TVP23C: variants seen among roughly 807,000 people sequenced by gnomAD.
TVP23C encodes the protein Golgi apparatus membrane protein TVP23 homolog C.
In TVP23C, 19 loss-of-function variants were observed where a neutral mutation model predicts 28.7. The ratio of observed to expected loss-of-function variants is 0.66; its 90% CI spans 0.46 to 0.97. The LOEUF (loss-of-function observed/expected upper bound fraction) is 0.97. Among genes scored for constraint, TVP23C ranks in the 50% least tolerant of loss-of-function variants. TVP23C has a pLI of 0.00. For missense variants in TVP23C, 186 were observed against 241.3 expected, an observed-to-expected ratio of 0.77 and a Z score of 1.52; for synonymous variants, 68 against 81.7, an observed-to-expected ratio of 0.83 and a Z score of 0.90.
At chr17:15,517,853 G>A (rs11653403) in intron 5 of TVP23C, among the ~76,000 whole-genome samples, 68,193 of 152,000 alleles carry the variant, frequency 0.45, 16,992 homozygotes, top group Non-Finnish European at 0.57. Context: ...TGCACCATAA[G>A]AGAATTCTCA....
At chr17:15,535,640 C>A (rs1000168876), downstream of TVP23C, among the ~76,000 whole-genome samples, 9 of 152,334 alleles carry the variant, frequency 5.9e-5, no homozygotes, top group African/African-American at 1.2e-4. Flanking sequence ...CTGAACAGTG[C>A]AACTCGGCAG....
chr17:15,551,262 C>T (rs59337682), intron 3 of TVP23C, among the ~76,000 whole-genome samples: 1 of 142,352 alleles, frequency 7.0e-6, no homozygotes, highest in African/African-American at 2.6e-5. Context: ...CCATGCCCGG[C>T]TCATTTTTTT....
chr17:15,555,133 T>C (rs1363979546), intron 2 of TVP23C, 149 bp downstream of exon 2: 10 of 1,108,048 alleles, frequency 9.0e-6, no homozygotes, highest in African/African-American at 3.2e-5. Context: ...TGAAATGTCA[T>C]CTTTGTCTTA....
chr17:15,542,471 T>C (rs1170795155), intron 5 of TVP23C, among the ~76,000 whole-genome samples: 1 of 144,852 alleles, frequency 6.9e-6, no homozygotes, highest in East Asian at 1.9e-4. Flanking sequence ...TTTTTATTTA[T>C]TTATTTTTAT....
chr17:15,504,038 G>C (rs1395400524), intron 5 of TVP23C, among the ~76,000 whole-genome samples: 1 of 152,048 alleles, frequency 6.6e-6, no homozygotes, highest in African/African-American at 2.4e-5. Flanking sequence ...AAAGAGCCCA[G>C]TCTCCTGAGA....
chr17:15,563,024 T>C (rs1173216167), intron 1 of TVP23C: 2 of 240,616 alleles, frequency 8.3e-6, no homozygotes, highest in Non-Finnish European at 1.6e-5. Flanking sequence ...ACAACATTAG[T>C]TTGGAAACAG....
rs1327923975 is a variant in TVP23C, at chr17:15,537,473, C to T, written c.*2939G>A. On this transcript the variant is annotated 3_prime_UTR_variant, in exon 6 of 6. Coordinates refer to ENST00000518321, the MANE Select transcript of TVP23C (RefSeq NM_001135036.2). ...AGAATAGCAGCAATCTCTGGGTATT[C>T]CTTAAACTATGATGATTCCACTTAT... 1.0e-6 allele frequency: 1 copy of T among 985,000 alleles called. No homozygotes were observed. Among genetic ancestry groups the T allele is most frequent in the African/African-American group, 1.7e-5 (1 of 57,216 alleles). 61.0% of individuals were successfully genotyped at this position (985,000 alleles called of 1,614,324 possible). A position where few individuals can be genotyped will look rare whatever the true frequency, so the allele number is the denominator to read the frequency against.
chr17:15,553,806 T>C lies in TVP23C; in HGVS notation c.119A>G (p.His40Arg). The C allele has an allele frequency of 4.3e-6, 7 of 1,613,648 alleles. No individual in the cohort carries two copies. Among genetic ancestry groups the C allele is most frequent in the Non-Finnish European group, 5.9e-6 (7 of 1,179,762 alleles). Residue 40 changes from histidine (H) to arginine (R), a missense_variant, in exon 3 of 6, where the codon CAC becomes CGC. His to Arg is a conservative substitution (Grantham distance 29). Around this residue, in one of 3 missense-constraint regions of TVP23C, gnomAD observed 92 missense variants for 94.3 expected, o/e 0.98. Coordinates refer to ENST00000518321, the MANE Select transcript of TVP23C (RefSeq NM_001135036.2). ...KIRHPVASFF[H>R]LFFRVSAIIV... ...GATTGCACTGACTCGAAAGAATAAG[T>C]GGAAAAACGATGCTACTGGATGTCT...
chr17:15,515,736 G>A (rs967189000), intron 5 of TVP23C, among the ~76,000 whole-genome samples: 7 of 152,066 alleles, frequency 4.6e-5, no homozygotes, highest in Non-Finnish European at 8.8e-5. Context: ...TTGCCCTAGG[G>A]TCTCCAAATG....
chr17:15,538,381 G>A lies in TVP23C; in HGVS notation c.*2031C>T, dbSNP rs548946774. On this transcript the variant is annotated 3_prime_UTR_variant, in exon 6 of 6. Coordinates refer to ENST00000518321, the MANE Select transcript of TVP23C (RefSeq NM_001135036.2). ...CGAGGAGGGTGGATCATGAGGTCAG[G>A]AGATCGAGACCCTCCTGGCTAACAC... 1.2e-6 allele frequency: 1 copy of A among 833,362 alleles called. No homozygotes were observed. The highest frequency in any genetic ancestry group is 5.5e-5 in the South Asian group (1 of 18,344). 51.6% of individuals were successfully genotyped at this position (833,362 alleles called of 1,614,324 possible).
At chr17:15,508,814 C>G (rs1176149136) in intron 5 of TVP23C, among the ~76,000 whole-genome samples, 1 of 152,196 alleles carries the variant, frequency 6.6e-6, no homozygotes, top group African/African-American at 2.4e-5. Context: ...CCCTGTGTTC[C>G]TCATGCCTCT....
At chr17:15,553,624 A>G (rs1597545587) in intron 3 of TVP23C, 61 bp downstream of exon 3, 2 of 1,544,812 alleles carry the variant, frequency 1.3e-6, no homozygotes, top group East Asian at 2.5e-5. Flanking sequence ...AAATGCTGTC[A>G]TATTTTTATA....
At chr17:15,544,765 A>G (rs1004378699) in intron 5 of TVP23C, among the ~76,000 whole-genome samples, 1 of 152,174 alleles carries the variant, frequency 6.6e-6, no homozygotes, top group African/African-American at 2.4e-5. Flanking sequence ...AGAACTGAAA[A>G]AAGACAATAA....
chr17:15,503,217 T>C (rs1443481946), exon 6 of TVP23C: 1 of 1,536,396 alleles, frequency 6.5e-7, no homozygotes, highest in Non-Finnish European at 8.8e-7. Context: ...GTCTGGGCAA[T>C]GTGGCGAGAC....
intron 5 of TVP23C, among the ~76,000 whole-genome samples, chr17:15,513,411 C>A (rs1429609911): frequency 6.6e-6 from 1 of 152,058 alleles, no homozygotes; most frequent in Admixed American, 6.6e-5. Context: ...AACAGTTATC[C>A]GTTTTCTTTA....
intron 3 of TVP23C, among the ~76,000 whole-genome samples, chr17:15,552,870 A>G (rs1228176769): frequency 6.7e-6 from 1 of 150,340 alleles, no homozygotes; most frequent in East Asian, 2.0e-4. Flanking sequence ...GAATACCCAA[A>G]TATCTATCAT....
At chr17:15,508,003 T>G (rs1006769002) in intron 5 of TVP23C, among the ~76,000 whole-genome samples, 7 of 152,174 alleles carry the variant, frequency 4.6e-5, no homozygotes, top group African/African-American at 1.7e-4. Flanking sequence ...GTGACTGCCA[T>G]ATTGTAATGT....
chr17:15,537,671 G>A lies in TVP23C; in HGVS notation c.*2741C>T, dbSNP rs1983211375. On this transcript the variant is annotated 3_prime_UTR_variant, in exon 6 of 6. Transcript: ENST00000518321. ...TTCTAACTTATACATAAGCCAAAGT[G>A]CTCACTCTTACCATAGAAGCAAAAC... 3.7e-5 allele frequency: 36 copies of A among 984,362 alleles called. No homozygotes were observed. The highest frequency in any genetic ancestry group is 4.2e-5 in the Non-Finnish European group (35 of 828,616). 61.0% of individuals were successfully genotyped at this position (984,362 alleles called of 1,614,324 possible).
rs1984203537 is a variant in TVP23C at position 15,557,818 on chromosome 17, C to CG, written c.13-2455_13-2454insC. Among the ~76,000 whole-genome samples, 2 of 139,964 alleles carry CG rather than the reference C, an allele frequency of 1.4e-5. 1 individual carries two copies. The highest frequency in any genetic ancestry group is 3.2e-5 in the Non-Finnish European group (2 of 62,888). 91.8% of individuals were successfully genotyped at this position (139,964 alleles called of 152,430 possible). The stretch of plus-strand genomic sequence containing the variant: ...AGAAGCTTTCTGGAGGAGAGTTTGT[C>CG]AGCTGGGCCCTGACAGTCCGCGTAG... On this transcript the variant is annotated intron_variant, in intron 1 of 5. Transcript: ENST00000518321.
Sources: allele counts gnomAD v4.1 joint callset (sites outside exome capture counted in the v4.1 genomes callset), GRCh38; gene constraint gnomAD v4.1.1; regional missense constraint gnomAD v4.1.1; transcripts MANE v1.5; gene names NCBI Gene and HGNC (gene_info 2026-07-23, HGNC 2026-07-21).